Variants in EYA1 observed in about 807,000 individuals in gnomAD.
EYA1 encodes protein phosphatase EYA1.
Under a neutral mutation model 82.0 loss-of-function variants are expected in EYA1, and 16 were observed. That is an observed-to-expected ratio of 0.20 (90% confidence interval 0.13 to 0.30). EYA1 has a LOEUF of 0.30. Ranked by LOEUF, EYA1 falls within the 10% of genes least tolerant of loss-of-function variation. The probability of loss-of-function intolerance (pLI) is 1.00; values close to 1 mark genes in which losing one functional copy is unlikely to be tolerated. For missense variants in EYA1, 633 were observed against 730.7 expected (o/e 0.87, Z 1.54); for synonymous variants, 261 against 264.4 (o/e 0.99, Z 0.12).
chr8:71,457,312 G>A (rs1192314154), intron 2 of EYA1, among the ~76,000 whole-genome samples: 3 of 152,312 alleles, frequency 2.0e-5, no homozygotes, highest in Middle Eastern at 3.4e-3. Context: ...CACTGTTGGT[G>A]GGAGGGTAAA....
intron 12 of EYA1, among the ~76,000 whole-genome samples, chr8:71,235,610 C>T (rs1352285045): frequency 1.3e-5 from 2 of 152,136 alleles, no homozygotes; most frequent in African/African-American, 4.8e-5. Flanking sequence ...GTTTTGTTTA[C>T]ATACTGTTTA....
intron 9 of EYA1, among the ~76,000 whole-genome samples, chr8:71,275,090 G>A (rs999325521): frequency 2.0e-5 from 3 of 152,184 alleles, no homozygotes; most frequent in Non-Finnish European, 2.9e-5. Context: ...CAACGGAGTG[G>A]GGGCTCACAC....
chr8:71,299,157 T>A lies in EYA1; in HGVS notation c.716A>T (p.Tyr239Phe), dbSNP rs746932579. 6.2e-7 allele frequency: 1 copy of A among 1,614,180 alleles called. No homozygotes were observed. Among genetic ancestry groups the A allele is most frequent in the Non-Finnish European group, 8.5e-7 (1 of 1,180,008 alleles). Residue 239 changes from tyrosine (Y) to phenylalanine (F), a missense_variant, in exon 9 of 18, where the codon TAT becomes TTT. Tyr to Phe is a conservative substitution (Grantham distance 22, BLOSUM62 3). Coordinates refer to ENST00000340726, the MANE Select transcript of EYA1 (RefSeq NM_000503.6). ...YYNSSPYPAH[Y>F]MTSSNTSPTT... is the part of the protein sequence containing the mutation. ...TGGGCTGGTGTTGCTGCTGGTCATATAATGTGCTGGATACGGTGAGCTGTT... is the reference window on the plus strand; with the variant it reads ...TGGGCTGGTGTTGCTGCTGGTCATAAAATGTGCTGGATACGGTGAGCTGTT...
Position 71,361,845 on chromosome 8 carries a change from CGCTGCCGCAGGCTCGG to C in EYA1, c.-269_-254del. 15 of 985,442 alleles carry C rather than the reference CGCTGCCGCAGGCTCGG, an allele frequency of 1.5e-5. No homozygotes were observed. The highest frequency in any genetic ancestry group is 1.7e-5 in the African/African-American group (1 of 57,364). The allele number at this position is 985,442 out of a possible 1,614,324, so 61.0% of individuals were successfully genotyped here. A position where few individuals can be genotyped will look rare whatever the true frequency, so the allele number is the denominator to read the frequency against. On this transcript the variant is annotated 5_prime_UTR_variant, in exon 1 of 18. An upstream open reading frame in the 5' UTR loses its in-frame stop. Coordinates refer to ENST00000340726, the MANE Select transcript of EYA1 (RefSeq NM_000503.6). Reference sequence around the variant, plus strand: ...TCGGCGCAGGGGGCAGGCGCCTGGCCGCTGCCGCAGGCTCGGGCTGCCGAGCGACTGAGCGAAAACG... The same window carrying C: ...TCGGCGCAGGGGGCAGGCGCCTGGCCGCTGCCGAGCGACTGAGCGAAAACG...
chr8:71,312,345 T>A (rs1033860577), intron 7 of EYA1, among the ~76,000 whole-genome samples: 2 of 152,232 alleles, frequency 1.3e-5, no homozygotes, highest in Non-Finnish European at 2.9e-5. Flanking sequence ...TTCTAAGCCA[T>A]TCTCCGTTTT....
At chr8:71,531,556 C>CT (rs1017393695) in intron 2 of EYA1, among the ~76,000 whole-genome samples, 76 of 148,130 alleles carry the variant, frequency 5.1e-4, no homozygotes, top group Admixed American at 2.8e-3. Flanking sequence ...TGAGTATGTG[C>CT]TTTTTTTTTT....
chr8:71,323,136 T>C (rs1021157147), intron 4 of EYA1, among the ~76,000 whole-genome samples: 2 of 152,186 alleles, frequency 1.3e-5, no homozygotes, highest in Admixed American at 6.5e-5. Flanking sequence ...ACAGTGAATC[T>C]ACATATATAT....
At chr8:71,519,818 C>T (rs1039044185) in intron 2 of EYA1, among the ~76,000 whole-genome samples, 2 of 152,082 alleles carry the variant, frequency 1.3e-5, no homozygotes, top group African/African-American at 2.4e-5. Context: ...TAGAAGGGAT[C>T]GGTTATTTGG....
intron 9 of EYA1, among the ~76,000 whole-genome samples, chr8:71,274,002 A>T (rs1816846391): frequency 6.6e-6 from 1 of 152,224 alleles, no homozygotes. Context: ...TCAATCTTTT[A>T]AAATATATTC....
chr8:71,216,360 C>T (rs1458650323), intron 14 of EYA1, among the ~76,000 whole-genome samples: 2 of 144,368 alleles, frequency 1.4e-5, no homozygotes, highest in Admixed American at 1.4e-4. Flanking sequence ...AGGAGATTTA[C>T]AACCCATCTT....
intron 2 of EYA1, among the ~76,000 whole-genome samples, chr8:71,529,132 T>C (rs1814053925): frequency 6.6e-6 from 1 of 152,176 alleles, no homozygotes; most frequent in South Asian, 2.1e-4. Flanking sequence ...TTGAAATAAT[T>C]CTTAGAATAA....
At chr8:71,445,859 A>C (rs949907555) in intron 2 of EYA1, among the ~76,000 whole-genome samples, 14 of 152,108 alleles carry the variant, frequency 9.2e-5, no homozygotes, top group Non-Finnish European at 1.8e-4. Flanking sequence ...GGCTCATTCT[A>C]AACTTTTCAT....
intron 2 of EYA1, among the ~76,000 whole-genome samples, chr8:71,394,623 G>A (rs1425442989): frequency 1.3e-5 from 2 of 151,744 alleles, no homozygotes; most frequent in East Asian, 3.9e-4. Context: ...ATTATTTCCG[G>A]GGGATCTATT....
chr8:71,272,257 C>T (rs140250329), intron 9 of EYA1, among the ~76,000 whole-genome samples: 1 of 152,110 alleles, frequency 6.6e-6, no homozygotes, highest in Admixed American at 6.5e-5. Flanking sequence ...GAGAGGCTCA[C>T]ACATTTGCCT....
intron 2 of EYA1, among the ~76,000 whole-genome samples, chr8:71,497,634 A>G (rs991053456): frequency 3.9e-5 from 6 of 152,208 alleles, no homozygotes; most frequent in Non-Finnish European, 8.8e-5. Context: ...GTAAATTACT[A>G]CAACCATTAT....
At chr8:71,406,871 C>T (rs1176357498) in intron 2 of EYA1, among the ~76,000 whole-genome samples, 1 of 144,996 alleles carries the variant, frequency 6.9e-6, no homozygotes, top group Admixed American at 6.9e-5. Flanking sequence ...TGGAGCCCAC[C>T]ACAGCTCAAG....
intron 2 of EYA1, among the ~76,000 whole-genome samples, chr8:71,412,258 T>C (rs904924199): frequency 6.6e-5 from 9 of 137,202 alleles, no homozygotes; most frequent in East Asian, 4.6e-4. Flanking sequence ...AGGGATAGCA[T>C]TGGGAGATAT....
chr8:71,482,858 G>T (rs1239360975), intron 2 of EYA1, among the ~76,000 whole-genome samples: 1 of 152,196 alleles, frequency 6.6e-6, no homozygotes, highest in African/African-American at 2.4e-5. Flanking sequence ...GGTCAGAGTA[G>T]AGGTTACCTT....
upstream of EYA1, among the ~76,000 whole-genome samples, chr8:71,366,068 GATTATTATAT>G (rs1827734254): frequency 6.6e-6 from 1 of 151,982 alleles, no homozygotes; most frequent in Admixed American, 6.6e-5. Flanking sequence ...AGAGCACGTT[GATTATTATAT>G]ATTAATAATA....
Sources: allele counts gnomAD v4.1 joint callset (sites outside exome capture counted in the v4.1 genomes callset), GRCh38; gene constraint gnomAD v4.1.1; transcripts MANE v1.5; gene names NCBI Gene and HGNC (gene_info 2026-07-23, HGNC 2026-07-21).